Variants in CRACD observed in about 807,000 individuals in gnomAD.
CRACD encodes capping protein inhibiting regulator of actin dynamics.
In CRACD, 56 loss-of-function variants were observed where a neutral mutation model predicts 106.8. The ratio of observed to expected loss-of-function variants is 0.52; its 90% CI spans 0.42 to 0.66. The LOEUF is 0.66. CRACD is among the 30% of genes least tolerant of loss of function. CRACD has a pLI of 0.00. For synonymous variants in CRACD, 754 were observed against 670.8 expected, an observed-to-expected ratio of 1.12 and a Z score of -1.92; for missense variants, 1,730 against 1,623.2, an observed-to-expected ratio of 1.07 and a Z score of -1.13.
In CRACD at chr4:56,327,657, C is replaced by T. The variant is rs1746537490; in HGVS notation, c.3555C>T (p.Asp1185=). Residue 1185 remains aspartate (D), a synonymous_variant, in exon 11 of 11, where the codon GAC becomes GAT. Transcript: ENST00000682029. ...AACAAAATCCAGTGGAGATCTCCGA[C>T]TCGGCTCCCCCAGCGCCGCTGGTAA... The part of the protein sequence containing the change: ...LPTSVTVEIS[D]SAPPAPLVKE... The T allele has an allele frequency of 6.2e-7, 1 of 1,604,026 alleles. No homozygotes were observed. The highest frequency in any genetic ancestry group is 8.5e-7 in the Non-Finnish European group (1 of 1,175,050).
At chr4:56,118,469 A>G (rs189848728) in intron 1 of CRACD, among the ~76,000 whole-genome samples, 1 of 152,260 alleles carries the variant, frequency 6.6e-6, no homozygotes, top group Non-Finnish European at 1.5e-5. Flanking sequence ...TAAGTGGGGC[A>G]GTCGAGCCAC....
chr4:56,261,694 G>A (rs1023560325), intron 2 of CRACD, among the ~76,000 whole-genome samples: 22 of 152,012 alleles, frequency 1.4e-4, no homozygotes, highest in African/African-American at 5.1e-4. Context: ...CCTGTGAACT[G>A]TGAAACATAT....
At chr4:56,055,489 G>A (rs189813051) in intron 1 of CRACD, among the ~76,000 whole-genome samples, 18 of 152,192 alleles carry the variant, frequency 1.2e-4, no homozygotes, top group South Asian at 4.2e-4. Flanking sequence ...TTATGGTCTC[G>A]GGTGGGGGCC....
At chr4:56,063,288 G>A (rs1016292231) in intron 1 of CRACD, among the ~76,000 whole-genome samples, 1 of 151,980 alleles carries the variant, frequency 6.6e-6, no homozygotes, top group Non-Finnish European at 1.5e-5. Flanking sequence ...CGACCTCTTG[G>A]GCTCAAGTGA....
intron 2 of CRACD, among the ~76,000 whole-genome samples, chr4:56,207,629 C>T (rs927994956): frequency 3.9e-4 from 59 of 151,588 alleles, no homozygotes; most frequent in Non-Finnish European, 4.4e-5. Flanking sequence ...AGTACACACA[C>T]GAGACCCCTT....
intron 8 of CRACD, among the ~76,000 whole-genome samples, chr4:56,318,745 A>G (rs1745850714): frequency 6.6e-6 from 1 of 152,222 alleles, no homozygotes. Context: ...TTGCTGCTGT[A>G]GGCCAGGACT....
intron 2 of CRACD, among the ~76,000 whole-genome samples, chr4:56,183,440 G>A (rs1225212419): frequency 6.6e-6 from 1 of 152,162 alleles, no homozygotes; most frequent in Non-Finnish European, 1.5e-5. Flanking sequence ...TTTAGGCATG[G>A]TCTTGAGGAC....
chr4:56,106,352 G>C (rs1421585357), intron 1 of CRACD, among the ~76,000 whole-genome samples: 1 of 152,228 alleles, frequency 6.6e-6, no homozygotes, highest in Non-Finnish European at 1.5e-5. Context: ...AGGAGACACA[G>C]AGTTCAAGTC....
At chr4:56,212,175 A>G (rs1416773981) in intron 2 of CRACD, among the ~76,000 whole-genome samples, 2 of 152,220 alleles carry the variant, frequency 1.3e-5, no homozygotes, top group East Asian at 3.8e-4. Context: ...TGCTCATTAT[A>G]TGCTAATTAT....
chr4:56,234,442 G>A (rs1402827940), intron 2 of CRACD, among the ~76,000 whole-genome samples: 3 of 151,626 alleles, frequency 2.0e-5, no homozygotes, highest in Non-Finnish European at 4.4e-5. Flanking sequence ...TCCATTGTGT[G>A]GATCTATATA....
At chr4:56,312,969 T>C (rs1318230874) in intron 6 of CRACD, among the ~76,000 whole-genome samples, 8 of 152,318 alleles carry the variant, frequency 5.3e-5, no homozygotes, top group Admixed American at 2.6e-4. Context: ...CTAAAAGTTA[T>C]ATGACTTTTA....
rs533604824 is a variant in CRACD, at chr4:56,314,476, C to T, written c.974C>T (p.Ala325Val). The change falls in exon 8 of 11, where the codon GCC becomes GTC. Residue 325 changes from alanine (A) to valine (V), a missense_variant. Ala to Val is a moderately conservative substitution (Grantham distance 64). Coordinates refer to ENST00000682029, the MANE Select transcript of CRACD (RefSeq NM_001393381.1). This position sits in a 1 kb window ranked among gnomAD's most constrained non-coding sequence, Gnocchi z 4.4. ...EAEEERRRLQ[A>V]QAQAEERRRL... ...GAGGAGGAGCGAAGGCGTCTGCAGGCCCAGGCCCAAGCGGAGGAGAGGCGG... is the reference window on the plus strand; with the variant it reads ...GAGGAGGAGCGAAGGCGTCTGCAGGTCCAGGCCCAAGCGGAGGAGAGGCGG... 2.5e-5 allele frequency: 38 copies of T among 1,530,750 alleles called. No homozygotes were observed. The highest frequency in any genetic ancestry group is 3.2e-5 in the Non-Finnish European group (37 of 1,139,364). The allele number at this position is 1,530,750 out of a possible 1,614,324, so 94.8% of individuals were successfully genotyped here.
chr4:56,168,848 C>T (rs73155156), intron 1 of CRACD, among the ~76,000 whole-genome samples: 270 of 152,222 alleles, frequency 1.8e-3, no homozygotes, highest in African/African-American at 6.2e-3. Flanking sequence ...TTTCCCCCAT[C>T]ATACTACTGC....
intron 1 of CRACD, among the ~76,000 whole-genome samples, chr4:56,105,695 C>T (rs35572005): frequency 0.029 from 4,358 of 152,202 alleles, 84 homozygotes; most frequent in Non-Finnish European, 0.041. Flanking sequence ...TTGTCTTTTT[C>T]AGGTGGAGAC....
Position 56,329,493 on chromosome 4 carries a change from C to T in CRACD, c.*1689C>T, listed in dbSNP as rs927675166. Among the ~76,000 whole-genome samples the T allele has an allele frequency of 1.3e-5, 2 of 152,314 alleles. No individual in the cohort carries two copies. On this transcript the variant is annotated 3_prime_UTR_variant, in exon 11 of 11. Transcript: ENST00000682029. Reference sequence around the variant, plus strand: ...AAACAATAGCTCAGCCTCACTGTAGCAGCTGGCATGTGTGGTCAAGTGGAT... The same window carrying T: ...AAACAATAGCTCAGCCTCACTGTAGTAGCTGGCATGTGTGGTCAAGTGGAT...
chr4:56,211,504 T>A (rs1425594991), intron 2 of CRACD, among the ~76,000 whole-genome samples: 1 of 152,208 alleles, frequency 6.6e-6, no homozygotes, highest in Non-Finnish European at 1.5e-5. Flanking sequence ...TGAGTTCTTG[T>A]CCCACATCCA....
chr4:56,189,116 G>A (rs1266190962), intron 2 of CRACD, among the ~76,000 whole-genome samples: 2 of 151,964 alleles, frequency 1.3e-5, no homozygotes, highest in Non-Finnish European at 2.9e-5. Flanking sequence ...CTGGGAGGGA[G>A]AGGTTGCAGT....
intron 1 of CRACD, among the ~76,000 whole-genome samples, chr4:56,146,631 C>T (rs925885272): frequency 8.1e-5 from 12 of 147,878 alleles, no homozygotes; most frequent in East Asian, 2.0e-4. Flanking sequence ...CTCACCCTGA[C>T]GGCCCTGCTC....
At chr4:56,174,162 T>C (rs1374243595) in intron 1 of CRACD, among the ~76,000 whole-genome samples, 1 of 152,200 alleles carries the variant, frequency 6.6e-6, no homozygotes, top group Non-Finnish European at 1.5e-5. Context: ...GATTTTTAAA[T>C]TTTTAATGGA....
Sources: gnomAD v4.1 joint callset for allele counts (sites outside exome capture counted in the v4.1 genomes callset) on GRCh38, gnomAD v4.1.1 for gene constraint, Gnocchi (gnomAD v3.1) non-coding constraint, MANE v1.5 for transcripts, NCBI Gene and HGNC (gene_info 2026-07-23, HGNC 2026-07-21) for gene names.